Variants in COL9A1 observed in about 807,000 individuals in gnomAD.
COL9A1 encodes the protein collagen alpha-1(IX) chain.
A neutral mutation model predicts 142.6 loss-of-function variants in COL9A1; 104 were observed. That is an observed-to-expected ratio of 0.73 (90% CI 0.62 to 0.86). The LOEUF (loss-of-function observed/expected upper bound fraction) is 0.86. COL9A1 is among the 40% of genes least tolerant of loss of function. The probability of loss-of-function intolerance (pLI) is 0.00; values close to 1 mark genes in which losing one functional copy is unlikely to be tolerated. For synonymous variants in COL9A1, 466 were observed against 396.0 expected (o/e 1.18, Z -2.10); for missense variants, 1,210 against 1,176.6 (o/e 1.03, Z -0.42).
chr6:70,283,967 C>T, intron 5 of COL9A1, 147 bp from the exon 6 acceptor site: 2 of 716,036 alleles, frequency 2.8e-6, no homozygotes, highest in East Asian at 2.7e-5. Context: ...TCTTGCTTTT[C>T]CTTGAATACA....
chr6:70,241,861 A>G (rs577744402), intron 30 of COL9A1, 103 bp downstream of exon 30: 5 of 1,009,620 alleles, frequency 5.0e-6, no homozygotes, highest in South Asian at 4.2e-5. Flanking sequence ...TTTATGATAA[A>G]TTCTAGAAAA....
intron 33 of COL9A1, among the ~76,000 whole-genome samples, chr6:70,238,715 CA>C (rs1386295801): frequency 6.6e-6 from 1 of 152,124 alleles, no homozygotes; most frequent in Non-Finnish European, 1.5e-5. Flanking sequence ...AGAAAAAAAA[CA>C]CTTCCTTTCC....
At chr6:70,300,459 A>AAATAAT (rs959164999) in intron 2 of COL9A1, 73 bp from the exon 3 acceptor site, 15 of 571,618 alleles carry the variant, frequency 2.6e-5, no homozygotes, top group South Asian at 4.8e-5. Flanking sequence ...AAATAAAATA[A>AAATAAT]AATAATAATA....
intron 20 of COL9A1, among the ~76,000 whole-genome samples, chr6:70,258,167 C>T (rs1015679306): frequency 6.6e-6 from 1 of 152,122 alleles, no homozygotes; most frequent in Admixed American, 6.5e-5. Context: ...GTTTTTAGTG[C>T]TCTCTACATA....
chr6:70,255,423 A>C, intron 21 of COL9A1, 33 bp from the exon 22 acceptor site: 1 of 1,574,740 alleles, frequency 6.4e-7, no homozygotes, highest in Non-Finnish European at 8.7e-7. Flanking sequence ...TAATACAAGA[A>C]AAAGTTACTT....
chr6:70,234,742 G>A, intron 34 of COL9A1, 52 bp downstream of exon 34: 2 of 1,612,668 alleles, frequency 1.2e-6, no homozygotes, highest in Non-Finnish European at 1.7e-6. Flanking sequence ...CAGCCCTGCT[G>A]CTGTGGGATG....
chr6:70,225,178 A>C (rs543290629), intron 37 of COL9A1, among the ~76,000 whole-genome samples: 2 of 152,194 alleles, frequency 1.3e-5, no homozygotes, highest in African/African-American at 4.8e-5. Flanking sequence ...CGTTTGCTGG[A>C]AAGTTGCGCA....
intron 36 of COL9A1, among the ~76,000 whole-genome samples, chr6:70,227,834 G>T (rs1769330505): frequency 6.6e-6 from 1 of 152,080 alleles, no homozygotes; most frequent in Non-Finnish European, 1.5e-5. Flanking sequence ...TCTTTGGAAT[G>T]GTCTCCATGG....
intron 19 of COL9A1, among the ~76,000 whole-genome samples, chr6:70,262,489 G>GGAACAGTTTCTTCA (rs1771753259): frequency 6.6e-6 from 1 of 152,176 alleles, no homozygotes; most frequent in South Asian, 2.1e-4. Context: ...GTGTTCCTGT[G>GGAACAGTTTCTTCA]TTTGTCTTCA....
rs1318586070 is a variant in COL9A1 at position 70,216,736 on chromosome 6, T to C, written c.*161A>G. 4.0e-6 allele frequency: 3 copies of C among 751,278 alleles called. No individual in the cohort carries two copies. The highest frequency in any genetic ancestry group is 2.7e-5 in the East Asian group (1 of 36,992). 46.5% of individuals were successfully genotyped at this position (751,278 alleles called of 1,614,324 possible). On this transcript the variant is annotated 3_prime_UTR_variant, in exon 38 of 38. Coordinates refer to ENST00000357250, the MANE Select transcript of COL9A1 (RefSeq NM_001851.6). ...AACTTACTGAATAGCACCGTTCTTCTATATGTGATTGTCAAGTAGGACTTC... is the reference window on the plus strand; with the variant it reads ...AACTTACTGAATAGCACCGTTCTTCCATATGTGATTGTCAAGTAGGACTTC...
intron 4 of COL9A1, among the ~76,000 whole-genome samples, chr6:70,298,903 G>A (rs905107840): frequency 2.0e-5 from 3 of 152,134 alleles, no homozygotes; most frequent in Non-Finnish European, 2.9e-5. Flanking sequence ...ATGGAGTAGT[G>A]GTTAGAAGTA....
In COL9A1 at chr6:70,239,312, T is replaced by A. The variant is rs754000677; in HGVS notation, c.2080-26A>T. On this transcript the variant is annotated intron_variant, in intron 32 of 37. Coordinates refer to ENST00000357250, the MANE Select transcript of COL9A1 (RefSeq NM_001851.6). The stretch of plus-strand genomic sequence containing the variant: ...CTAAATCAATAAAAGAAATTTATGT[T>A]AGAACAATGTATTCACATTTGATAA... 23 of 1,418,336 alleles carry A rather than the reference T, an allele frequency of 1.6e-5. No individual in the cohort carries two copies. In the Admixed American group the frequency reaches 2.5e-4, roughly 16 times the overall value. The allele number at this position is 1,418,336 out of a possible 1,614,324, so 87.9% of individuals were successfully genotyped here. A position where few individuals can be genotyped will look rare whatever the true frequency, so the allele number is the denominator to read the frequency against.
chr6:70,227,637 CATAGAG>C (rs894681940), intron 36 of COL9A1, among the ~76,000 whole-genome samples: 59 of 151,936 alleles, frequency 3.9e-4, no homozygotes, highest in Non-Finnish European at 7.8e-4. Context: ...AGGAATTTAT[CATAGAG>C]ATAAAGATGG....
intron 21 of COL9A1, 63 bp downstream of exon 21, chr6:70,256,705 C>T (rs1346675399): frequency 7.4e-7 from 1 of 1,352,332 alleles, no homozygotes; most frequent in Non-Finnish European, 1.1e-6. Flanking sequence ...ACTGCACACA[C>T]ATGCATACAT....
At chr6:70,231,138 T>C (rs575965931) in intron 36 of COL9A1, among the ~76,000 whole-genome samples, 140 of 152,210 alleles carry the variant, frequency 9.2e-4, no homozygotes, top group South Asian at 2.9e-3. Context: ...ACCAGCGAAT[T>C]TGCATTCCTA....
chr6:70,252,238 A>C, intron 27 of COL9A1, 24 bp downstream of exon 27: 1 of 1,614,170 alleles, frequency 6.2e-7, no homozygotes, highest in Non-Finnish European at 8.5e-7. Context: ...TTAGAACTTC[A>C]GGAGAGGTAA....
intron 15 of COL9A1, 51 bp downstream of exon 15, chr6:70,270,263 T>C (rs774831719): frequency 2.5e-6 from 4 of 1,569,158 alleles, no homozygotes; most frequent in Non-Finnish European, 3.5e-6. Context: ...TAGATTTTTT[T>C]CAACCCTGAC....
intron 17 of COL9A1, among the ~76,000 whole-genome samples, chr6:70,267,200 C>T (rs1358405955): frequency 8.5e-5 from 13 of 152,152 alleles, no homozygotes; most frequent in Admixed American, 5.9e-4. Context: ...GAAAACCCTT[C>T]GGCCTCCTCC....
chr6:70,302,010 G>A lies in COL9A1; in HGVS notation c.79C>T (p.Arg27Cys), dbSNP rs746534856. The A allele has an allele frequency of 5.0e-6, 8 of 1,610,520 alleles. No homozygotes were observed. The East Asian group carries it at 6.7e-5, about 13-fold the overall frequency. Residue 27 changes from arginine to cysteine, a missense_variant, in exon 2 of 38, where the codon CGT (arginine) becomes TGT (cysteine). By Grantham distance (180) the Arg-to-Cys change is radical. Transcript: ENST00000357250. ...LEPWASAAVK[R>C]RPRFPVNSNS... ...AAACTATGGCCCTTACTGGGGCGAC[G>A]CTTGACAGCTGCAGATGCCCAGGGT...
Sources: allele counts gnomAD v4.1 joint callset (sites outside exome capture counted in the v4.1 genomes callset), GRCh38; gene constraint gnomAD v4.1.1; transcripts MANE v1.5; gene names NCBI Gene and HGNC (gene_info 2026-07-23, HGNC 2026-07-21).